Variants in PCDHA4 observed in about 807,000 individuals in gnomAD.
The protein encoded by PCDHA4 is protocadherin alpha 4.
In PCDHA4, 49 loss-of-function variants were observed where a neutral mutation model predicts 61.4. The observed-to-expected ratio is 0.80, with a 90% CI of 0.63 to 1.01. The LOEUF (loss-of-function observed/expected upper bound fraction) is 1.01. PCDHA4 is among the 50% of genes least tolerant of loss of function. The probability of loss-of-function intolerance (pLI) is 0.00; values close to 1 mark genes in which losing one functional copy is unlikely to be tolerated. For synonymous variants in PCDHA4, 590 were observed against 550.3 expected (o/e 1.07, Z -1.01); for missense variants, 1,254 against 1,235.8 (o/e 1.01, Z -0.22).
intron 1 of PCDHA4, chr5:140,881,399 T>C (rs2058702396): frequency 1.0e-6 from 1 of 975,460 alleles, no homozygotes; most frequent in Non-Finnish European, 1.2e-6. Flanking sequence ...TTAAATTCTA[T>C]TAAATCAATA....
At chr5:140,931,508 A>G (rs1214894603) in intron 1 of PCDHA4, among the ~76,000 whole-genome samples, 8 of 152,078 alleles carry the variant, frequency 5.3e-5, no homozygotes, top group Non-Finnish European at 1.0e-4. Flanking sequence ...TTAAACATAT[A>G]TGAATGATTA....
chr5:141,009,330 G>A (rs1355837607), intron 3 of PCDHA4, among the ~76,000 whole-genome samples: 2 of 152,192 alleles, frequency 1.3e-5, no homozygotes, highest in African/African-American at 2.4e-5. Context: ...ATGGGAGCTT[G>A]TGCCTGTAGT....
At chr5:140,829,868 A>C in intron 1 of PCDHA4, 1 of 1,613,886 alleles carries the variant, frequency 6.2e-7, no homozygotes, top group Non-Finnish European at 8.5e-7. Flanking sequence ...AGTGGTGGCG[A>C]AGGTGCGCGC....
At chr5:140,882,062 T>G (rs78484684) in intron 1 of PCDHA4, 9 of 812,456 alleles carry the variant, frequency 1.1e-5, no homozygotes, top group Non-Finnish European at 1.5e-5. Flanking sequence ...CACTTACACG[T>G]TCATGCGCAT....
intron 1 of PCDHA4, chr5:140,883,186 C>T (rs782501193): frequency 1.4e-5 from 23 of 1,613,822 alleles, no homozygotes; most frequent in African/African-American, 2.7e-5. Context: ...GGACAAAAGG[C>T]AAACTAGATT....
chr5:140,992,390 C>T (rs1007853972), intron 3 of PCDHA4, among the ~76,000 whole-genome samples: 1 of 152,082 alleles, frequency 6.6e-6, no homozygotes, highest in Admixed American at 6.6e-5. Context: ...GTGTTCTGGA[C>T]TTAGAGATAT....
At chr5:140,958,746 G>C (rs946339571) in intron 1 of PCDHA4, among the ~76,000 whole-genome samples, 1 of 152,066 alleles carries the variant, frequency 6.6e-6, no homozygotes, top group African/African-American at 2.4e-5. Flanking sequence ...AGAGAGAAAG[G>C]AGATTTTTAC....
rs148298330 is a variant in PCDHA4, at chr5:140,807,381, G to T, written c.194G>T (p.Arg65Leu). 92 of 1,603,524 alleles carry T rather than the reference G, an allele frequency of 5.7e-5. No individual in the cohort carries two copies. In the African/African-American group the frequency reaches 1.1e-3, roughly 19 times the overall value. The change falls in exon 1 of 4, where the codon CGG becomes CTG. Residue 65 changes from arginine (R) to leucine (L), a missense_variant. By Grantham distance (102) the Arg-to-Leu change is moderately radical (BLOSUM62 -2). Coordinates refer to ENST00000530339, the MANE Select transcript of PCDHA4 (RefSeq NM_018907.4). ...ELAELVPRLF[R>L]VASKGRGGLL... ...GCGGAGCTGGTGCCGCGCCTGTTCC[G>T]GGTGGCGTCCAAGGGCCGCGGAGGC... is the stretch of plus-strand genomic sequence containing the variant.
At chr5:140,910,935 C>T (rs192394348) in intron 1 of PCDHA4, among the ~76,000 whole-genome samples, 4 of 152,192 alleles carry the variant, frequency 2.6e-5, no homozygotes, top group African/African-American at 9.6e-5. Context: ...TAAGAAAGCT[C>T]AAGCAGTTCT....
intron 1 of PCDHA4, among the ~76,000 whole-genome samples, chr5:140,941,846 C>T (rs2093181493): frequency 6.6e-6 from 1 of 152,178 alleles, no homozygotes; most frequent in Non-Finnish European, 1.5e-5. Flanking sequence ...CTGCCATTAC[C>T]TGATATTCCC....
At chr5:140,912,865 A>G (rs1554195582) in intron 1 of PCDHA4, among the ~76,000 whole-genome samples, 1 of 152,138 alleles carries the variant, frequency 6.6e-6, no homozygotes, top group East Asian at 1.9e-4. Flanking sequence ...GAAATGATAT[A>G]TGGTTTTTGG....
intron 1 of PCDHA4, among the ~76,000 whole-genome samples, chr5:140,942,855 A>G (rs1323763970): frequency 6.6e-6 from 1 of 152,110 alleles, no homozygotes; most frequent in African/African-American, 2.4e-5. Flanking sequence ...TAAGATGATT[A>G]TTTTGCTTTA....
intron 1 of PCDHA4, among the ~76,000 whole-genome samples, chr5:140,919,389 TG>T (rs2079114384): frequency 6.6e-6 from 1 of 152,242 alleles, no homozygotes; most frequent in African/African-American, 2.4e-5. Context: ...AGTTGGATGT[TG>T]TTTTCCTAAA....
At chr5:140,981,828 A>C (rs2096952526) in intron 2 of PCDHA4, among the ~76,000 whole-genome samples, 1 of 152,060 alleles carries the variant, frequency 6.6e-6, no homozygotes, top group Non-Finnish European at 1.5e-5. Context: ...GCTTGCCTCT[A>C]AAGGTCTCCC....
chr5:140,967,707 C>G, intron 1 of PCDHA4: 1 of 1,614,158 alleles, frequency 6.2e-7, no homozygotes, highest in Non-Finnish European at 8.5e-7. Flanking sequence ...GATGCCAGTA[C>G]CGGGGAAGTG....
intron 1 of PCDHA4, among the ~76,000 whole-genome samples, chr5:140,896,062 C>T (rs781234487): frequency 1.1e-4 from 17 of 152,104 alleles, no homozygotes; most frequent in South Asian, 4.2e-4. Flanking sequence ...CCGCCTGCCT[C>T]GGCCTCCCAA....
chr5:140,851,325 T>G (rs2042028843), intron 1 of PCDHA4: 3 of 984,014 alleles, frequency 3.0e-6, no homozygotes, highest in South Asian at 4.6e-5. Context: ...TTGTTAAGTT[T>G]GTAGTTCTCT....
intron 1 of PCDHA4, chr5:140,827,904 G>T: frequency 2.5e-6 from 2 of 786,506 alleles, no homozygotes; most frequent in East Asian, 2.5e-5. Context: ...TTTTGGAGCC[G>T]CATGATGTCG....
intron 1 of PCDHA4, chr5:140,877,868 T>G: frequency 6.7e-7 from 1 of 1,488,916 alleles, no homozygotes; most frequent in Non-Finnish European, 8.9e-7. Context: ...TTAGATATAT[T>G]TGTTTCCTTG....
Sources: allele counts gnomAD v4.1 joint callset (sites outside exome capture counted in the v4.1 genomes callset), GRCh38; gene constraint gnomAD v4.1.1; transcripts MANE v1.5; gene names NCBI Gene and HGNC (gene_info 2026-07-23, HGNC 2026-07-21).